The following TRIO variants were observed in gnomAD, a reference collection of about 807,000 sequenced individuals.
The protein encoded by TRIO is trio Rho guanine nucleotide exchange factor.
Under a neutral mutation model 351.9 loss-of-function variants are expected in TRIO, and 58 were observed. The observed-to-expected ratio is 0.16, with a 90% confidence interval of 0.13 to 0.21. TRIO has a LOEUF of 0.21. TRIO is among the 10% of genes least tolerant of loss of function. TRIO has a pLI of 1.00. For missense variants in TRIO, 3,201 were observed against 4,027.8 expected (o/e 0.79, Z 5.56); for synonymous variants, 1,758 against 1,595.7 (o/e 1.10, Z -2.42).
In TRIO at chr5:14,374,351, G is replaced by A. The variant is rs753570432; in HGVS notation, c.3331+8G>A. On this transcript the variant is annotated splice_region_variant and intron_variant, in intron 19 of 56. Transcript: ENST00000344204. ...CTGAACAGCAAGTGAAAAGTGAGTAGAGCTGGGAGTCTCCAGGGGTGGCCC... is the reference window on the plus strand; with the variant it reads ...CTGAACAGCAAGTGAAAAGTGAGTAAAGCTGGGAGTCTCCAGGGGTGGCCC... 5.6e-6 allele frequency: 9 copies of A among 1,610,422 alleles called. No individual in the cohort carries two copies. The highest frequency in any genetic ancestry group is 7.6e-6 in the Non-Finnish European group (9 of 1,177,806).
chr5:14,414,465 A>T (rs1327134614), intron 33 of TRIO, among the ~76,000 whole-genome samples: 1 of 152,202 alleles, frequency 6.6e-6, no homozygotes, highest in Non-Finnish European at 1.5e-5. Context: ...ATCAATCTTC[A>T]CATCAGAAAA....
At chr5:14,473,858 G>C in intron 39 of TRIO, 136 bp from the exon 40 acceptor site, 2 of 709,210 alleles carry the variant, frequency 2.8e-6, no homozygotes, top group Non-Finnish European at 2.2e-6. Flanking sequence ...GGTTTTTTTT[G>C]TTTGTTTTTA....
At chr5:14,265,447 T>A (rs1179054208) in intron 1 of TRIO, among the ~76,000 whole-genome samples, 3 of 152,310 alleles carry the variant, frequency 2.0e-5, no homozygotes, top group African/African-American at 7.2e-5. Flanking sequence ...ACTTAAAAAA[T>A]TTTAAAATTT....
At chr5:14,369,985 A>G (rs1278300599) in intron 18 of TRIO, among the ~76,000 whole-genome samples, 1 of 152,228 alleles carries the variant, frequency 6.6e-6, no homozygotes, top group East Asian at 1.9e-4. Context: ...TTGTGGTGGC[A>G]GTTGCTGATA....
chr5:14,505,534 A>G (rs1757612609), intron 55 of TRIO, among the ~76,000 whole-genome samples: 1 of 152,170 alleles, frequency 6.6e-6, no homozygotes, highest in Non-Finnish European at 1.5e-5. Context: ...CCATGGGGTC[A>G]TGTAGGGGCA....
At chr5:14,484,781 C>T (rs950799439) in intron 46 of TRIO, among the ~76,000 whole-genome samples, 1 of 152,160 alleles carries the variant, frequency 6.6e-6, no homozygotes, top group African/African-American at 2.4e-5. Context: ...CCCCCAAGCC[C>T]CTGGCAACCT....
intron 1 of TRIO, among the ~76,000 whole-genome samples, chr5:14,268,820 C>G (rs1795834466): frequency 6.6e-6 from 1 of 152,164 alleles, no homozygotes; most frequent in Non-Finnish European, 1.5e-5. Flanking sequence ...TCCTCTTTGC[C>G]TTGCAGTTGC....
In TRIO at chr5:14,509,275, G is replaced by C. The variant is rs1361404088; in HGVS notation, c.*853G>C. 1.6e-5 allele frequency: 6 copies of C among 374,686 alleles called. No individual in the cohort carries two copies. Among genetic ancestry groups the C allele is most frequent in the Non-Finnish European group, 3.1e-5 (6 of 193,928 alleles). 23.2% of individuals were successfully genotyped at this position (374,686 alleles called of 1,614,324 possible). The stretch of plus-strand genomic sequence containing the variant: ...GGTTTTACTTCATATCATGTGCAAT[G>C]TTGTGGCTTTAACATTTTATGCAAC... On this transcript the variant is annotated 3_prime_UTR_variant, in exon 57 of 57. Coordinates refer to ENST00000344204, the MANE Select transcript of TRIO (RefSeq NM_007118.4).
intron 1 of TRIO, among the ~76,000 whole-genome samples, chr5:14,214,349 C>CCAGCTG: frequency 6.6e-6 from 1 of 152,270 alleles, no homozygotes; most frequent in Admixed American, 6.5e-5. Context: ...GAATTCCTCT[C>CCAGCTG]TTCACAGGCA....
intron 1 of TRIO, among the ~76,000 whole-genome samples, chr5:14,192,511 T>G (rs997354403): frequency 6.6e-6 from 1 of 152,156 alleles, no homozygotes; most frequent in African/African-American, 2.4e-5. Context: ...TGGGCTCAAG[T>G]GATCCTCCCG....
intron 1 of TRIO, among the ~76,000 whole-genome samples, chr5:14,247,153 G>A (rs866420312): frequency 2.6e-4 from 40 of 152,224 alleles, no homozygotes; most frequent in Admixed American, 2.4e-3. Context: ...AGTGAGCCTC[G>A]TGTGCTTTCT....
chr5:14,507,512 C>T (rs1048341449), intron 56 of TRIO, among the ~76,000 whole-genome samples: 6 of 152,198 alleles, frequency 3.9e-5, no homozygotes, highest in African/African-American at 1.4e-4. Context: ...AGAAAGTCCC[C>T]ATGAGTTTTG....
chr5:14,321,865 G>A (rs1289225211), intron 9 of TRIO, among the ~76,000 whole-genome samples: 2 of 152,180 alleles, frequency 1.3e-5, no homozygotes, highest in African/African-American at 4.8e-5. Flanking sequence ...ATAAATGGGA[G>A]TTCCCCTACA....
chr5:14,227,993 C>T (rs1466891830), intron 1 of TRIO, among the ~76,000 whole-genome samples: 3 of 151,802 alleles, frequency 2.0e-5, no homozygotes, highest in African/African-American at 7.3e-5. Context: ...TAATAGATGC[C>T]TATGAGCATT....
intron 8 of TRIO, among the ~76,000 whole-genome samples, chr5:14,306,893 G>C (rs557784081): frequency 1.3e-5 from 2 of 152,216 alleles, no homozygotes; most frequent in African/African-American, 4.8e-5. Context: ...AGTTTTATTT[G>C]ATTTACATTG....
chr5:14,182,522 C>T (rs1224426302), intron 1 of TRIO, among the ~76,000 whole-genome samples: 1 of 152,186 alleles, frequency 6.6e-6, no homozygotes, highest in Non-Finnish European at 1.5e-5. Flanking sequence ...TGTGGTAATA[C>T]ATACATGATT....
chr5:14,332,430 C>T (rs1294368269), intron 10 of TRIO, among the ~76,000 whole-genome samples: 1 of 152,178 alleles, frequency 6.6e-6, no homozygotes, highest in Non-Finnish European at 1.5e-5. Flanking sequence ...CTCCATAACA[C>T]GTGGACATAC....
At chr5:14,220,999 C>G (rs530592763) in intron 1 of TRIO, among the ~76,000 whole-genome samples, 19 of 152,342 alleles carry the variant, frequency 1.2e-4, no homozygotes, top group African/African-American at 4.1e-4. Flanking sequence ...GGTTTTAAAA[C>G]TTCAGAGGAC....
At chr5:14,285,298 T>C (rs1190193323) in intron 3 of TRIO, among the ~76,000 whole-genome samples, 1 of 152,130 alleles carries the variant, frequency 6.6e-6, no homozygotes, top group Admixed American at 6.5e-5. Flanking sequence ...ACTAAGCTGC[T>C]GGATCTGTTT....
Sources: allele counts gnomAD v4.1 joint callset (sites outside exome capture counted in the v4.1 genomes callset), GRCh38; gene constraint gnomAD v4.1.1; transcripts MANE v1.5; gene names NCBI Gene and HGNC (gene_info 2026-07-23, HGNC 2026-07-21).